The following JAKMIP1 variants were observed in gnomAD, a reference collection of about 807,000 sequenced individuals.
The protein encoded by JAKMIP1 is janus kinase and microtubule-interacting protein 1.
Under a neutral mutation model 113.0 loss-of-function variants are expected in JAKMIP1, and 33 were observed. That is an observed-to-expected ratio of 0.29 (90% CI 0.22 to 0.39). The LOEUF (loss-of-function observed/expected upper bound fraction) is 0.39. JAKMIP1 is among the 10% of genes least tolerant of loss of function. The pLI is 1.00. For missense variants in JAKMIP1, 813 were observed against 1,080.5 expected, an observed-to-expected ratio of 0.75 and a Z score of 3.47; for synonymous variants, 480 against 459.9, an observed-to-expected ratio of 1.04 and a Z score of -0.56.
chr4:6,052,054 T>C (rs970197788), intron 13 of JAKMIP1, among the ~76,000 whole-genome samples: 3 of 152,096 alleles, frequency 2.0e-5, no homozygotes, highest in Non-Finnish European at 2.9e-5. Flanking sequence ...CGAATCTAGA[T>C]GGCAGGGCTT....
At chr4:6,062,560 C>A in intron 9 of JAKMIP1, 120 bp from the exon 10 acceptor site, 100 of 1,017,582 alleles carry the variant, frequency 9.8e-5, no homozygotes, top group East Asian at 1.1e-4. Context: ...GTGCCAGGGT[C>A]AACTTAGACA....
intron 1 of JAKMIP1, among the ~76,000 whole-genome samples, chr4:6,132,032 A>G (rs1718575305): frequency 6.6e-6 from 1 of 152,244 alleles, no homozygotes; most frequent in African/African-American, 2.4e-5. Context: ...ATTTTAGAGA[A>G]GGAATATGTG....
At chr4:6,113,738 C>T (rs891528166) in intron 1 of JAKMIP1, among the ~76,000 whole-genome samples, 1 of 152,238 alleles carries the variant, frequency 6.6e-6, no homozygotes, top group African/African-American at 2.4e-5. Flanking sequence ...TCTCCCTTCC[C>T]TTCACCACGT....
chr4:6,111,590 G>A (rs1714940906), intron 2 of JAKMIP1, among the ~76,000 whole-genome samples: 1 of 152,240 alleles, frequency 6.6e-6, no homozygotes, highest in Non-Finnish European at 1.5e-5. Context: ...TGAGAAGACA[G>A]AGGTTTCGGA....
At chr4:6,111,548 G>C (rs1384264284) in intron 2 of JAKMIP1, among the ~76,000 whole-genome samples, 2 of 152,220 alleles carry the variant, frequency 1.3e-5, no homozygotes, top group Non-Finnish European at 2.9e-5. Flanking sequence ...AAACCGGACA[G>C]CTATAATTAC....
At chr4:6,128,490 C>A (rs929613012) in intron 1 of JAKMIP1, among the ~76,000 whole-genome samples, 4 of 152,132 alleles carry the variant, frequency 2.6e-5, no homozygotes, top group Middle Eastern at 3.2e-3. Flanking sequence ...GGCACAAGGT[C>A]CAAGCCCGTG....
rs1170692418 is a variant in JAKMIP1, at chr4:6,081,012, C to CA, written c.1101+596dup. 6.6e-6 allele frequency among the ~76,000 whole-genome samples: 1 copy of CA among 151,928 alleles called. No homozygotes were observed. Among genetic ancestry groups the CA allele is most frequent in the Non-Finnish European group, 1.5e-5 (1 of 67,976 alleles). On this transcript the variant is annotated intron_variant, in intron 6 of 20. Coordinates refer to ENST00000409021, the MANE Select transcript of JAKMIP1 (RefSeq NM_001099433.2). This position sits in a 1 kb window ranked among gnomAD's most constrained non-coding sequence, Gnocchi z 4.6. ...ACACACACACACACACACACACACA[C>CA]ACCTGCATCTGCTACAGTGCAGACA...
chr4:6,051,597 T>C lies in JAKMIP1; in HGVS notation c.1807-918A>G, dbSNP rs1481949115. On this transcript the variant is annotated intron_variant, in intron 13 of 20. Transcript: ENST00000409021. This position sits in a 1 kb window ranked among gnomAD's most constrained non-coding sequence, Gnocchi z 5.0. ...ATCTGCCAATACCATTCACAATTGT[T>C]TTCTGAGCCACACTAACACAACAAG... 6.6e-6 allele frequency among the ~76,000 whole-genome samples: 1 copy of C among 152,204 alleles called. No individual in the cohort carries two copies. Among genetic ancestry groups the C allele is most frequent in the East Asian group, 1.9e-4 (1 of 5,204 alleles).
chr4:6,113,835 G>A (rs1483326999), intron 1 of JAKMIP1, among the ~76,000 whole-genome samples: 7 of 152,240 alleles, frequency 4.6e-5, no homozygotes. Context: ...CAGTAAGCAG[G>A]GCCTGGGCCT....
chr4:6,094,870 G>A lies in JAKMIP1; in HGVS notation c.625-9241C>T, dbSNP rs550344957. On this transcript the variant is annotated intron_variant, in intron 3 of 20. Coordinates refer to ENST00000409021, the MANE Select transcript of JAKMIP1 (RefSeq NM_001099433.2). This position sits in a 1 kb window ranked among gnomAD's most constrained non-coding sequence, Gnocchi z 4.2. ...AATTAGCTGGGCATAGGTGGTCCTG[G>A]CTATTCAGGAGGCTGAGGTGGGAGG... Among the ~76,000 whole-genome samples, 3 of 152,208 alleles carry A rather than the reference G, an allele frequency of 2.0e-5. No homozygotes were observed. Among genetic ancestry groups the A allele is most frequent in the Non-Finnish European group, 4.4e-5 (3 of 68,004 alleles).
intron 13 of JAKMIP1, among the ~76,000 whole-genome samples, chr4:6,052,080 G>A (rs1715725879): frequency 6.6e-6 from 1 of 152,068 alleles, no homozygotes; most frequent in Admixed American, 6.5e-5. Context: ...GATGCTCTGG[G>A]GTGAGACTGA....
intron 5 of JAKMIP1, among the ~76,000 whole-genome samples, chr4:6,082,464 C>G (rs1402333234): frequency 6.6e-6 from 1 of 151,510 alleles, no homozygotes; most frequent in Admixed American, 6.6e-5. Context: ...TATGTATCTT[C>G]TTCATGGCAT....
intron 18 of JAKMIP1, among the ~76,000 whole-genome samples, chr4:6,039,430 C>A (rs570085727): frequency 6.6e-6 from 1 of 152,146 alleles, no homozygotes; most frequent in Admixed American, 6.5e-5. Context: ...CTACGCTTTG[C>A]GGGACCCTAA....
intron 19 of JAKMIP1, among the ~76,000 whole-genome samples, chr4:6,033,743 T>C (rs1713038246): frequency 6.6e-6 from 1 of 152,210 alleles, no homozygotes; most frequent in Non-Finnish European, 1.5e-5. Flanking sequence ...TTTATGTTCC[T>C]GGAGGGGAAA....
intron 1 of JAKMIP1, among the ~76,000 whole-genome samples, chr4:6,195,972 A>G (rs926783386): frequency 4.6e-5 from 7 of 152,240 alleles, no homozygotes; most frequent in Non-Finnish European, 1.0e-4. Flanking sequence ...AGTGCCATTC[A>G]CACATGTTAA....
rs1046876009 is a variant in JAKMIP1, at chr4:6,143,219, T to G, written c.-147-30222A>C. Among the ~76,000 whole-genome samples the G allele has an allele frequency of 1.3e-5, 2 of 152,228 alleles. No homozygotes were observed. The highest frequency in any genetic ancestry group is 2.4e-5 in the African/African-American group (1 of 41,466). On this transcript the variant is annotated intron_variant, in intron 1 of 20. Transcript: ENST00000409021. This position sits in a 1 kb window ranked among gnomAD's most constrained non-coding sequence, Gnocchi z 4.9. ...CACAGTGCCTGGTGCGTGGTAGAGT[T>G]TGCAGAAAGCACTATCTTAATTTTT...
intron 7 of JAKMIP1, among the ~76,000 whole-genome samples, chr4:6,079,619 G>A (rs1720211061): frequency 6.6e-6 from 1 of 152,162 alleles, no homozygotes; most frequent in African/African-American, 2.4e-5. Flanking sequence ...TTCACAGAGA[G>A]CTGTGGAATT....
At position 6,153,849 on chromosome 4, in the gene JAKMIP1, A is replaced by G. The variant is rs1422870306; in HGVS notation, c.-147-40852T>C. On this transcript the variant is annotated intron_variant, in intron 1 of 20. Transcript: ENST00000409021. This position sits in a 1 kb window ranked among gnomAD's most constrained non-coding sequence, Gnocchi z 4.9. ...TTATTAAAATAAATTATGTTTGGCT[A>G]CTGTCACCTAAAATCTCACATCGCA... Among the ~76,000 whole-genome samples the G allele has an allele frequency of 6.6e-6, 1 of 152,208 alleles. No homozygotes were observed. The highest frequency in any genetic ancestry group is 6.5e-5 in the Admixed American group (1 of 15,282).
rs936024541 is a variant in JAKMIP1, at chr4:6,197,621, G to A, written c.-148+2632C>T. Among the ~76,000 whole-genome samples, 1 of 152,170 alleles carries A rather than the reference G, an allele frequency of 6.6e-6. No homozygotes were observed. The highest frequency in any genetic ancestry group is 2.1e-4 in the South Asian group (1 of 4,832). On this transcript the variant is annotated intron_variant, in intron 1 of 20. Transcript: ENST00000409021. This position sits in a 1 kb window ranked among gnomAD's most constrained non-coding sequence, Gnocchi z 6.5. ...GCAGGTTGATCCCGTCGCCACTATG[G>A]GGAGAGGAGTGACCCAGCAGAACTG...
Sources: allele counts gnomAD v4.1 joint callset (sites outside exome capture counted in the v4.1 genomes callset), GRCh38; gene constraint gnomAD v4.1.1; non-coding constraint Gnocchi (gnomAD v3.1); transcripts MANE v1.5; gene names NCBI Gene and HGNC (gene_info 2026-07-23, HGNC 2026-07-21).